SATB2: variants seen among roughly 807,000 people sequenced by gnomAD.
SATB2 encodes SATB homeobox 2, also known as DNA-binding protein SATB2.
Under a neutral mutation model 73.4 loss-of-function variants are expected in SATB2, and 1 was observed. The observed-to-expected ratio is 0.01, with a 90% confidence interval of 0.00 to 0.06. The LOEUF (loss-of-function observed/expected upper bound fraction) is 0.06, where lower values mean the gene tolerates loss of function less well. Among genes scored for constraint, SATB2 ranks in the 10% least tolerant of loss-of-function variants. SATB2 has a pLI of 1.00. For synonymous variants in SATB2, 397 were observed against 367.0 expected (o/e 1.08, Z -0.93); for missense variants, 459 against 945.8 (o/e 0.49, Z 6.75).
intron 7 of SATB2, among the ~76,000 whole-genome samples, chr2:199,338,190 C>T (rs138097277): frequency 2.9e-3 from 441 of 151,964 alleles, no homozygotes; most frequent in African/African-American, 0.01. Context: ...ATGAGGAAAC[C>T]CTGTCTCTAT....
chr2:199,323,300 A>G (rs1687938717), intron 9 of SATB2, among the ~76,000 whole-genome samples: 2 of 152,072 alleles, frequency 1.3e-5, no homozygotes, highest in South Asian at 4.1e-4. Flanking sequence ...GAAAAAATCA[A>G]CTGTATTCTG....
At chr2:199,297,322 T>C (rs909026541) in intron 10 of SATB2, among the ~76,000 whole-genome samples, 1 of 152,198 alleles carries the variant, frequency 6.6e-6, no homozygotes, top group Non-Finnish European at 1.5e-5. Context: ...CTATATTCCT[T>C]CTACAATGAC....
At chr2:199,385,084 G>A (rs547928243) in intron 3 of SATB2, among the ~76,000 whole-genome samples, 6 of 152,088 alleles carry the variant, frequency 3.9e-5, no homozygotes, top group African/African-American at 9.6e-5. Flanking sequence ...CCTCAGTGGC[G>A]TCTTTCCTTT....
chr2:199,422,126 A>G (rs1431085027), intron 3 of SATB2, among the ~76,000 whole-genome samples: 1 of 152,150 alleles, frequency 6.6e-6, no homozygotes, highest in East Asian at 1.9e-4. Flanking sequence ...TGGAAGTTAT[A>G]CATTATAATG....
chr2:199,433,418 T>C lies in SATB2; in HGVS notation c.266A>G (p.Lys89Arg), dbSNP rs769528257. 1.7e-5 allele frequency: 27 copies of C among 1,614,040 alleles called. No homozygotes were observed. The highest frequency in any genetic ancestry group is 2.2e-5 in the Non-Finnish European group (26 of 1,180,038). ...CACCAGCTGGCTAAAAAGCACATCT[T>C]TCCGCACCAGGACAAACTCGGCGTG... ...EEHAEFVLVR[K>R]DVLFSQLVET... The change falls in exon 3 of 11, where the codon AAA (lysine) becomes AGA (arginine). Residue 89 changes from lysine to arginine, a missense_variant. Around this residue, in one of 13 missense-constraint regions of SATB2, gnomAD observed 56 missense variants for 183.7 expected, o/e 0.30. Coordinates refer to ENST00000417098, the MANE Select transcript of SATB2 (RefSeq NM_001172509.2).
At chr2:199,406,283 C>A (rs549299867) in intron 3 of SATB2, among the ~76,000 whole-genome samples, 42 of 152,220 alleles carry the variant, frequency 2.8e-4, no homozygotes, top group African/African-American at 9.6e-4. Flanking sequence ...AATTAACACA[C>A]CTAAACATGG....
At chr2:199,336,625 G>A (rs1425946038) in intron 7 of SATB2, among the ~76,000 whole-genome samples, 3 of 152,080 alleles carry the variant, frequency 2.0e-5, no homozygotes, top group African/African-American at 7.2e-5. Context: ...TTCTGCATTA[G>A]TTTTAATCAC....
intron 3 of SATB2, among the ~76,000 whole-genome samples, chr2:199,415,370 G>A (rs1321286559): frequency 2.0e-5 from 3 of 152,166 alleles, no homozygotes; most frequent in Non-Finnish European, 4.4e-5. Context: ...TCATAAATTA[G>A]TATAAATCTC....
chr2:199,380,597 A>T (rs1208304838), intron 4 of SATB2, 110 bp from the exon 5 acceptor site: 1 of 1,335,850 alleles, frequency 7.5e-7, no homozygotes. Flanking sequence ...TTCAGAAGAA[A>T]TGCTAAAGAA....
At chr2:199,333,354 C>A (rs1688244005) in intron 7 of SATB2, among the ~76,000 whole-genome samples, 1 of 151,958 alleles carries the variant, frequency 6.6e-6, no homozygotes, top group Non-Finnish European at 1.5e-5. Context: ...ACTAGTGTCA[C>A]CTTGGCTCAA....
chr2:199,451,305 ATCTT>A (rs1336667007), intron 2 of SATB2, among the ~76,000 whole-genome samples: 1 of 151,998 alleles, frequency 6.6e-6, no homozygotes, highest in African/African-American at 2.4e-5. Flanking sequence ...AACCAAGTAT[ATCTT>A]TATTTTAATA....
intron 10 of SATB2, among the ~76,000 whole-genome samples, chr2:199,307,003 G>C (rs561585572): frequency 6.6e-6 from 1 of 152,134 alleles, no homozygotes; most frequent in South Asian, 2.1e-4. Flanking sequence ...GATAGGCCCT[G>C]AATAAAAATT....
intron 10 of SATB2, among the ~76,000 whole-genome samples, chr2:199,299,300 T>G (rs1687213247): frequency 6.6e-6 from 1 of 152,224 alleles, no homozygotes; most frequent in Non-Finnish European, 1.5e-5. Flanking sequence ...TAGAGCTATG[T>G]AAATCACTTT....
chr2:199,319,000 CT>C (rs373895474), intron 9 of SATB2, among the ~76,000 whole-genome samples: 2,427 of 141,016 alleles, frequency 0.017, 40 homozygotes, highest in African/African-American at 0.04. Flanking sequence ...GAACTTGAAA[CT>C]TTTTTTTTTT....
At chr2:199,292,423 A>G (rs1039372565) in intron 10 of SATB2, among the ~76,000 whole-genome samples, 1 of 152,228 alleles carries the variant, frequency 6.6e-6, no homozygotes, top group Non-Finnish European at 1.5e-5. Context: ...TATTCAAGCC[A>G]TGTACCTGCT....
chr2:199,363,186 A>G (rs1348752771), intron 6 of SATB2, among the ~76,000 whole-genome samples: 1 of 152,172 alleles, frequency 6.6e-6, no homozygotes, highest in African/African-American at 2.4e-5. Context: ...TAAGCTTTCC[A>G]TTGGAGGGCC....
chr2:199,394,695 G>A (rs981022831), intron 3 of SATB2, among the ~76,000 whole-genome samples: 8 of 152,068 alleles, frequency 5.3e-5, no homozygotes, highest in Non-Finnish European at 1.0e-4. Context: ...CAGCTACTCA[G>A]GGGGCTGACA....
chr2:199,465,808 A>C (rs1403932805), upstream of SATB2, among the ~76,000 whole-genome samples: 2 of 152,244 alleles, frequency 1.3e-5, no homozygotes, highest in East Asian at 1.9e-4. Flanking sequence ...CCTGAACTTA[A>C]ATTCCTTATC....
Position 199,433,460 on chromosome 2 carries a change from T to A in SATB2, c.224A>T (p.Tyr75Phe). Residue 75 changes from tyrosine to phenylalanine, a missense_variant, in exon 3 of 11, where the codon TAT becomes TTT. By Grantham distance (22) the Tyr-to-Phe change is conservative. Transcript: ENST00000417098. ...VVEQLDGSLEYDNREEHAEFV... is the reference protein window; with the variant it reads ...VVEQLDGSLEFDNREEHAEFV... Reference sequence around the variant, plus strand: ...CTCGGCGTGTTCTTCTCTGTTGTCATATTCAAGAGAGCCGTCCAACTGCTC... The same window carrying A: ...CTCGGCGTGTTCTTCTCTGTTGTCAAATTCAAGAGAGCCGTCCAACTGCTC... 6.2e-7 allele frequency: 1 copy of A among 1,614,110 alleles called. No individual in the cohort carries two copies.
Sources: allele counts gnomAD v4.1 joint callset (sites outside exome capture counted in the v4.1 genomes callset), GRCh38; gene constraint gnomAD v4.1.1; regional missense constraint gnomAD v4.1.1; transcripts MANE v1.5; gene names NCBI Gene and HGNC (gene_info 2026-07-23, HGNC 2026-07-21).